B3GALT1: variants seen among roughly 807,000 people sequenced by gnomAD.
B3GALT1 encodes UDP-Gal:betaGlcNAc beta 1,3-galactosyltransferase, polypeptide 1.
Under a neutral mutation model 23.2 loss-of-function variants are expected in B3GALT1, and 10 were observed. That is an observed-to-expected ratio of 0.43 (90% CI 0.27 to 0.73). The LOEUF (loss-of-function observed/expected upper bound fraction) is 0.73, where lower values mean the gene tolerates loss of function less well. B3GALT1 is among the 30% of genes least tolerant of loss of function. The pLI is 0.21. For synonymous variants in B3GALT1, 156 were observed against 141.5 expected (o/e 1.10, Z -0.73); for missense variants, 299 against 405.4 (o/e 0.74, Z 2.25).
intron 2 of B3GALT1, among the ~76,000 whole-genome samples, chr2:167,498,665 G>A (rs1699809091): frequency 6.6e-6 from 1 of 152,116 alleles, no homozygotes; most frequent in African/African-American, 2.4e-5. Context: ...AATTGAGAAA[G>A]TGTATTAAAG....
chr2:167,535,372 G>A (rs1683398522), intron 2 of B3GALT1, among the ~76,000 whole-genome samples: 1 of 152,128 alleles, frequency 6.6e-6, no homozygotes, highest in Non-Finnish European at 1.5e-5. Flanking sequence ...TCATGGGAAA[G>A]ACATGGCCAT....
intron 3 of B3GALT1, among the ~76,000 whole-genome samples, chr2:167,735,888 A>T (rs781256552): frequency 1.4e-4 from 22 of 152,208 alleles, no homozygotes; most frequent in Non-Finnish European, 2.5e-4. Context: ...AATCCACATG[A>T]TGAAGAAGGA....
intron 1 of B3GALT1, among the ~76,000 whole-genome samples, chr2:167,460,133 G>C (rs1699234703): frequency 6.6e-6 from 1 of 152,156 alleles, no homozygotes; most frequent in African/African-American, 2.4e-5. Flanking sequence ...GAGTTTCATA[G>C]AAGTTTATAT....
chr2:167,336,404 T>A (rs1031414418), intron 1 of B3GALT1, among the ~76,000 whole-genome samples: 1 of 152,134 alleles, frequency 6.6e-6, no homozygotes, highest in African/African-American at 2.4e-5. Context: ...AAGATGGTAA[T>A]TAGTTGTCAT....
At chr2:167,773,696 C>T (rs1222198559) in intron 3 of B3GALT1, among the ~76,000 whole-genome samples, 2 of 152,228 alleles carry the variant, frequency 1.3e-5, no homozygotes, top group East Asian at 3.8e-4. Flanking sequence ...GGAGACCGCT[C>T]AACTACTATA....
chr2:167,343,403 CAG>C (rs1332995749), intron 1 of B3GALT1, among the ~76,000 whole-genome samples: 1 of 152,130 alleles, frequency 6.6e-6, no homozygotes, highest in Non-Finnish European at 1.5e-5. Context: ...TTGTAACACT[CAG>C]GGAATGTCTT....
In B3GALT1 at chr2:167,464,499, A is replaced by G. The variant is rs570313459; in HGVS notation, c.-510-25678A>G. On this transcript the variant is annotated intron_variant, in intron 1 of 4. Coordinates refer to ENST00000392690, the MANE Select transcript of B3GALT1 (RefSeq NM_020981.4). ...AATCCAAACCATTTCTAGAAATAAA[A>G]TGTACAGTGCTAATAGTGGTCAGTC... 2.6e-5 allele frequency among the ~76,000 whole-genome samples: 4 copies of G among 152,332 alleles called. No individual in the cohort carries two copies. The East Asian group carries it at 7.7e-4, about 29-fold the overall frequency.
chr2:167,488,968 T>TA (rs1699664448), intron 1 of B3GALT1, among the ~76,000 whole-genome samples: 1 of 32,922 alleles, frequency 3.0e-5, no homozygotes, highest in Non-Finnish European at 5.1e-5. Flanking sequence ...AGGACTATGA[T>TA]ATTACAAAAA....
chr2:167,679,121 T>TG (rs1293837517), intron 3 of B3GALT1, among the ~76,000 whole-genome samples: 1 of 115,838 alleles, frequency 8.6e-6, no homozygotes, highest in Non-Finnish European at 2.1e-5. Flanking sequence ...TTTTTGTTTT[T>TG]GTTTTTTTTT....
intron 1 of B3GALT1, among the ~76,000 whole-genome samples, chr2:167,425,227 A>C (rs1442606705): frequency 6.6e-6 from 1 of 152,230 alleles, no homozygotes; most frequent in Admixed American, 6.5e-5. Context: ...GTGCAAATCT[A>C]AAAATGTGAG....
At chr2:167,458,390 G>C (rs544313492) in intron 1 of B3GALT1, among the ~76,000 whole-genome samples, 1 of 152,156 alleles carries the variant, frequency 6.6e-6, no homozygotes, top group South Asian at 2.1e-4. Context: ...CTATGTTTTA[G>C]CTATTGTGAA....
intron 2 of B3GALT1, among the ~76,000 whole-genome samples, chr2:167,519,997 A>G (rs567661696): frequency 6.6e-6 from 1 of 151,974 alleles, no homozygotes; most frequent in African/African-American, 2.4e-5. Flanking sequence ...GTGAGCCAAG[A>G]TTGTGCCACT....
At chr2:167,534,004 T>C (rs1683373959) in intron 2 of B3GALT1, among the ~76,000 whole-genome samples, 1 of 152,190 alleles carries the variant, frequency 6.6e-6, no homozygotes, top group Non-Finnish European at 1.5e-5. Flanking sequence ...AAAGTTTGTT[T>C]TATGATAATT....
At chr2:167,670,937 C>T (rs1686314807) in intron 3 of B3GALT1, among the ~76,000 whole-genome samples, 1 of 151,878 alleles carries the variant, frequency 6.6e-6, no homozygotes. Context: ...ATGGGAGTTC[C>T]AGAGGAAGAG....
chr2:167,388,668 C>T (rs1421210817), intron 1 of B3GALT1, among the ~76,000 whole-genome samples: 2 of 152,234 alleles, frequency 1.3e-5, no homozygotes, highest in East Asian at 3.9e-4. Flanking sequence ...ATAGAATCAC[C>T]TGGGGAGTTT....
chr2:167,574,398 C>G (rs1406616178), intron 2 of B3GALT1, among the ~76,000 whole-genome samples: 1 of 151,578 alleles, frequency 6.6e-6, no homozygotes, highest in African/African-American at 2.4e-5. Flanking sequence ...AAAAATAAGA[C>G]AAAGTAGGGA....
intron 3 of B3GALT1, among the ~76,000 whole-genome samples, chr2:167,696,567 T>C (rs1454360991): frequency 6.6e-6 from 1 of 152,148 alleles, no homozygotes; most frequent in Non-Finnish European, 1.5e-5. Flanking sequence ...GTAGTGTTAC[T>C]CTCTCTCCAA....
At chr2:167,485,877 C>T (rs984599758) in intron 1 of B3GALT1, among the ~76,000 whole-genome samples, 1 of 152,152 alleles carries the variant, frequency 6.6e-6, no homozygotes, top group Non-Finnish European at 1.5e-5. Context: ...AATTTACTCT[C>T]AGGACACAGA....
intron 1 of B3GALT1, among the ~76,000 whole-genome samples, chr2:167,344,880 A>G (rs1697204955): frequency 6.6e-6 from 1 of 152,190 alleles, no homozygotes; most frequent in African/African-American, 2.4e-5. Context: ...TTCCAGTCAT[A>G]TGAATGTGGA....
Sources: allele counts gnomAD v4.1 joint callset (sites outside exome capture counted in the v4.1 genomes callset), GRCh38; gene constraint gnomAD v4.1.1; transcripts MANE v1.5; gene names NCBI Gene and HGNC (gene_info 2026-07-23, HGNC 2026-07-21).